CHD1: variants seen among roughly 807,000 people sequenced by gnomAD.
The protein encoded by CHD1 is chromodomain helicase DNA binding protein 1.
Under a neutral mutation model 224.2 loss-of-function variants are expected in CHD1, and 36 were observed. The ratio of observed to expected loss-of-function variants is 0.16; its 90% CI spans 0.12 to 0.21. CHD1 has a LOEUF of 0.21. Among genes scored for constraint, CHD1 ranks in the 10% least tolerant of loss-of-function variants. CHD1 has a pLI of 1.00. For synonymous variants in CHD1, 668 were observed against 658.3 expected, an observed-to-expected ratio of 1.01 and a Z score of -0.23; for missense variants, 1,378 against 1,994.8, an observed-to-expected ratio of 0.69 and a Z score of 5.89.
intron 31 of CHD1, among the ~76,000 whole-genome samples, chr5:98,864,563 C>T (rs942010843): frequency 6.8e-5 from 10 of 147,476 alleles, no homozygotes; most frequent in Non-Finnish European, 1.3e-4. Context: ...AGCATGGTGG[C>T]GCACACCTGT....
chr5:98,871,814 T>C (rs571071113), intron 28 of CHD1, among the ~76,000 whole-genome samples: 1 of 152,156 alleles, frequency 6.6e-6, no homozygotes, highest in Admixed American at 6.5e-5. Flanking sequence ...CCTCGTAATT[T>C]GAAAAATAAT....
At position 98,879,700 on chromosome 5, in the gene CHD1, T is replaced by C. The variant is rs918106034; in HGVS notation, c.3089A>G (p.Asp1030Gly). ...TCTTTCAGGTTCCAACTCAATGTCA[T>C]CCTCATCCATATTTGAGAAGTTGGC... ...KVANFSNMDEDDIELEPERNS... is the reference protein window; with the variant it reads ...KVANFSNMDEGDIELEPERNS... The change falls in exon 23 of 36, where the codon GAT (aspartate) becomes GGT (glycine). Residue 1030 changes from aspartate (D) to glycine (G), a missense_variant. Coordinates refer to ENST00000614616, the MANE Select transcript of CHD1 (RefSeq NM_001270.4). The C allele has an allele frequency of 1.2e-6, 2 of 1,601,364 alleles. No homozygotes were observed. Among genetic ancestry groups the C allele is most frequent in the African/African-American group, 1.4e-5 (1 of 74,028 alleles).
At chr5:98,923,546 G>A (rs947912225) in intron 2 of CHD1, among the ~76,000 whole-genome samples, 1 of 151,492 alleles carries the variant, frequency 6.6e-6, no homozygotes, top group Non-Finnish European at 1.5e-5. Context: ...TCAGCCTCGC[G>A]AGCAGCTGGG....
chr5:98,902,878 T>G (rs1751811399), intron 5 of CHD1, 22 bp downstream of exon 5: 1 of 1,471,782 alleles, frequency 6.8e-7, no homozygotes, highest in Non-Finnish European at 9.4e-7. Context: ...AATGAAGTAG[T>G]CAGTTGAACA....
rs1247159717 is a variant in CHD1 at position 98,854,348 on chromosome 5, A to G, written c.*2032T>C. The G allele has an allele frequency of 7.6e-6, 1 of 132,450 alleles. No homozygotes were observed. Among genetic ancestry groups the G allele is most frequent in the Non-Finnish European group, 1.6e-5 (1 of 63,046 alleles). 8.2% of individuals were successfully genotyped at this position (132,450 alleles called of 1,614,324 possible). A position where few individuals can be genotyped will look rare whatever the true frequency, so the allele number is the denominator to read the frequency against. On this transcript the variant is annotated 3_prime_UTR_variant, in exon 36 of 36. Transcript: ENST00000614616. ...TGCAACATTGTTCTGTGAAATTTGC[A>G]CAATATAATGCAAATATCTTAGCTT...
chr5:98,894,825 G>T, intron 12 of CHD1, 139 bp from the exon 13 acceptor site: 5 of 429,228 alleles, frequency 1.2e-5, no homozygotes, highest in East Asian at 4.5e-5. Flanking sequence ...GAGTTTTTGT[G>T]GTTTTTTTTT....
In CHD1 at chr5:98,872,125, T is replaced by C; in HGVS notation, c.3787A>G (p.Ile1263Val). 2 of 1,613,650 alleles carry C rather than the reference T, an allele frequency of 1.2e-6. No individual in the cohort carries two copies. Among genetic ancestry groups the C allele is most frequent in the Admixed American group, 1.7e-5 (1 of 60,006 alleles). The stretch of plus-strand genomic sequence containing the variant: ...CCATATCCATATTCATAGATGCCAA[T>C]TAACAAATTGGAATCATCTTCTTTG... ...WGKEDDSNLL[I>V]GIYEYGYGSW... The change falls in exon 28 of 36, where the codon ATT (isoleucine) becomes GTT (valine). Residue 1263 changes from isoleucine (I) to valine (V), a missense_variant. Ile to Val is a conservative substitution (Grantham distance 29). Transcript: ENST00000614616.
chr5:98,886,935 TTTTG>T (rs1188868199), intron 17 of CHD1, among the ~76,000 whole-genome samples: 1 of 152,090 alleles, frequency 6.6e-6, no homozygotes, highest in Non-Finnish European at 1.5e-5. Context: ...CAAACTAATT[TTTTG>T]TTTGACTATG....
At chr5:98,912,220 A>G (rs192545351) in intron 2 of CHD1, among the ~76,000 whole-genome samples, 3 of 152,218 alleles carry the variant, frequency 2.0e-5, no homozygotes, top group Admixed American at 1.3e-4. Context: ...AGAAGTGAAC[A>G]TAACAGGCAA....
intron 35 of CHD1, among the ~76,000 whole-genome samples, 175 bp from the exon 36 acceptor site, chr5:98,856,900 T>C (rs1181616355): frequency 1.3e-5 from 2 of 152,148 alleles, no homozygotes; most frequent in African/African-American, 2.4e-5. Context: ...TATATCTCTT[T>C]GGAAAAACTA....
At chr5:98,886,861 G>A (rs1429234679) in intron 17 of CHD1, among the ~76,000 whole-genome samples, 1 of 152,128 alleles carries the variant, frequency 6.6e-6, no homozygotes, top group African/African-American at 2.4e-5. Context: ...TCTCCAGGAA[G>A]TGACCTAGGA....
intron 2 of CHD1, among the ~76,000 whole-genome samples, chr5:98,908,349 TC>T (rs1366623338): frequency 1.3e-5 from 2 of 152,180 alleles, no homozygotes. Flanking sequence ...CAGGTTTACT[TC>T]CACAGCACTC....
intron 22 of CHD1, among the ~76,000 whole-genome samples, chr5:98,880,783 A>G (rs1750118340): frequency 6.6e-6 from 1 of 152,246 alleles, no homozygotes; most frequent in Admixed American, 6.5e-5. Flanking sequence ...AAGAGATCAC[A>G]CTGATTCATT....
chr5:98,858,916 A>T, intron 34 of CHD1, 48 bp downstream of exon 34: 1 of 1,375,302 alleles, frequency 7.3e-7, no homozygotes, highest in Non-Finnish European at 9.7e-7. Flanking sequence ...CAAAAATTTA[A>T]AAAAAATTTT....
rs760869497 is a variant in CHD1 at position 98,872,151 on chromosome 5, C to T, written c.3761G>A (p.Gly1254Asp). The change falls in exon 28 of 36, where the codon GGC becomes GAC. Residue 1254 changes from glycine to aspartate, a missense_variant. Physicochemically the swap from Gly to Asp is moderately conservative, Grantham distance 94. This residue lies in a region of CHD1 where 286 missense variants were observed against 445.1 expected (regional missense o/e 0.64). Transcript: ENST00000614616. ...TKAAHFDIDWGKEDDSNLLIG... is the reference protein window; with the variant it reads ...TKAAHFDIDWDKEDDSNLLIG... The stretch of plus-strand genomic sequence containing the variant: ...TAACAAATTGGAATCATCTTCTTTG[C>T]CCCAGTCTATATCAAAATGAGCTGC... 16 of 1,613,480 alleles carry T rather than the reference C, an allele frequency of 9.9e-6. No homozygotes were observed. Among genetic ancestry groups the T allele is most frequent in the African/African-American group, 1.3e-5 (1 of 74,880 alleles).
intron 24 of CHD1, 35 bp from the exon 25 acceptor site, chr5:98,875,148 T>A (rs1396973626): frequency 4.0e-6 from 5 of 1,250,226 alleles, no homozygotes; most frequent in Non-Finnish European, 5.8e-6. Context: ...AATGTGAGCT[T>A]CAGTATTCAC....
Position 98,927,827 on chromosome 5 carries a change from T to A in CHD1, c.-149+712A>T, listed in dbSNP as rs368340463. Among the ~76,000 whole-genome samples, 6 of 152,254 alleles carry A rather than the reference T, an allele frequency of 3.9e-5. No individual in the cohort carries two copies. The East Asian group carries it at 1.2e-3, about 30-fold the overall frequency. On this transcript the variant is annotated intron_variant, in intron 1 of 35. Coordinates refer to ENST00000614616, the MANE Select transcript of CHD1 (RefSeq NM_001270.4). ...TAACTTCCTTTCCCCTCCATCTCCC[T>A]TATCCGAATAAGTCCTCTGAGACCC...
At chr5:98,885,328 G>T (rs917174924) in intron 18 of CHD1, among the ~76,000 whole-genome samples, 1 of 152,092 alleles carries the variant, frequency 6.6e-6, no homozygotes, top group African/African-American at 2.4e-5. Flanking sequence ...GGAGGCAGAG[G>T]TTGCAGTGAG....
intron 31 of CHD1, among the ~76,000 whole-genome samples, chr5:98,867,737 T>C (rs1428503883): frequency 1.3e-5 from 2 of 151,924 alleles, no homozygotes; most frequent in Non-Finnish European, 1.5e-5. Context: ...CTGGGTGCGA[T>C]AGCTCATGCC....
Sources: allele counts gnomAD v4.1 joint callset (sites outside exome capture counted in the v4.1 genomes callset), GRCh38; gene constraint gnomAD v4.1.1; regional missense constraint gnomAD v4.1.1; transcripts MANE v1.5; gene names NCBI Gene and HGNC (gene_info 2026-07-23, HGNC 2026-07-21).